The following CATSPER3 variants were observed in gnomAD, a reference collection of about 807,000 sequenced individuals.
The protein encoded by CATSPER3 is cation channel sperm associated 3, also known as cation channel sperm-associated protein 3.
A neutral mutation model predicts 36.6 loss-of-function variants in CATSPER3; 23 were observed. That is an observed-to-expected ratio of 0.63 (90% CI 0.45 to 0.89). CATSPER3 has a LOEUF of 0.89. CATSPER3 is among the 40% of genes least tolerant of loss of function. The pLI is 0.00. For missense variants in CATSPER3, 474 were observed against 503.9 expected, an observed-to-expected ratio of 0.94 and a Z score of 0.57; for synonymous variants, 172 against 184.1, an observed-to-expected ratio of 0.93 and a Z score of 0.53.
At chr5:134,995,152 T>G (rs1164718642) in intron 2 of CATSPER3, among the ~76,000 whole-genome samples, 1 of 152,200 alleles carries the variant, frequency 6.6e-6, no homozygotes, top group Non-Finnish European at 1.5e-5. Context: ...AACATTTGAA[T>G]TATTCTCTTC....
At chr5:135,005,063 A>G (rs1022283789) in intron 3 of CATSPER3, among the ~76,000 whole-genome samples, 1 of 152,100 alleles carries the variant, frequency 6.6e-6, no homozygotes, top group African/African-American at 2.4e-5. Context: ...CCACACAGGG[A>G]GGAGGGAAGC....
chr5:134,978,913 G>A (rs1352059718), intron 2 of CATSPER3, among the ~76,000 whole-genome samples: 1 of 151,658 alleles, frequency 6.6e-6, no homozygotes, highest in Non-Finnish European at 1.5e-5. Context: ...TAGTAGAGAC[G>A]GGGTTTCACC....
rs572149121 is a variant in CATSPER3, at chr5:135,005,018, G to T, written c.493-2939G>T. On this transcript the variant is annotated intron_variant, in intron 3 of 7. Coordinates refer to ENST00000282611, the MANE Select transcript of CATSPER3 (RefSeq NM_178019.3). ...GTGGGAATCATGCGAGGAACAGGGC[G>T]GAGGGCAGGGGGCTGAGGAAAAGGA... Among the ~76,000 whole-genome samples, 18 of 152,228 alleles carry T rather than the reference G, an allele frequency of 1.2e-4. No homozygotes were observed. In the East Asian group the frequency reaches 3.5e-3, roughly 29 times the overall value.
chr5:135,011,594 C>A lies in CATSPER3; in HGVS notation c.1168C>A (p.Gln390Lys). 6.2e-7 allele frequency: 1 copy of A among 1,614,002 alleles called. No individual in the cohort carries two copies. Among genetic ancestry groups the A allele is most frequent in the Non-Finnish European group, 8.5e-7 (1 of 1,179,910 alleles). ...MLEDLPQEKP[Q>K]SLEKVDEK Reference sequence around the variant, plus strand: ...GGAAGACTTGCCCCAGGAGAAGCCCCAGTCCTTGGAAAAGGTGGATGAGAA... The same window carrying A: ...GGAAGACTTGCCCCAGGAGAAGCCCAAGTCCTTGGAAAAGGTGGATGAGAA... The change falls in exon 8 of 8, where the codon CAG becomes AAG. Residue 390 changes from glutamine (Q) to lysine (K), a missense_variant. Transcript: ENST00000282611.
intron 2 of CATSPER3, among the ~76,000 whole-genome samples, chr5:134,972,058 T>C (rs951138721): frequency 9.2e-5 from 14 of 152,110 alleles, no homozygotes; most frequent in African/African-American, 3.4e-4. Context: ...ACACAATTAC[T>C]GTAAGAAAAA....
At chr5:134,992,474 T>C (rs1445934184) in intron 2 of CATSPER3, among the ~76,000 whole-genome samples, 1 of 152,096 alleles carries the variant, frequency 6.6e-6, no homozygotes, top group Admixed American at 6.5e-5. Flanking sequence ...CCTGTAATCC[T>C]AGCACTTTGG....
At chr5:134,975,632 A>G (rs1751664546) in intron 2 of CATSPER3, among the ~76,000 whole-genome samples, 1 of 152,222 alleles carries the variant, frequency 6.6e-6, no homozygotes, top group Non-Finnish European at 1.5e-5. Context: ...GACAACAAAT[A>G]AATGCTGGTG....
chr5:134,981,409 C>T (rs1444990081), intron 2 of CATSPER3, among the ~76,000 whole-genome samples: 1 of 152,078 alleles, frequency 6.6e-6, no homozygotes, highest in Non-Finnish European at 1.5e-5. Context: ...TTGCTTGAAG[C>T]TGGGAGGCAG....
In CATSPER3 at chr5:135,002,928, C is replaced by A. The variant is rs996100808; in HGVS notation, c.493-5029C>A. On this transcript the variant is annotated intron_variant, in intron 3 of 7. Transcript: ENST00000282611. Reference sequence around the variant, plus strand: ...CTCCTTTAGCTTGGAGAAGTTTGATCGTCTGAAGCCTTCTTCTCTCAACTC... The same window carrying A: ...CTCCTTTAGCTTGGAGAAGTTTGATAGTCTGAAGCCTTCTTCTCTCAACTC... Among the ~76,000 whole-genome samples the A allele has an allele frequency of 5.3e-5, 8 of 152,132 alleles. 1 individual carries two copies. The highest frequency in any genetic ancestry group is 1.9e-4 in the African/African-American group (8 of 41,430).
intron 2 of CATSPER3, among the ~76,000 whole-genome samples, chr5:134,979,417 G>A (rs192851001): frequency 1.3e-5 from 2 of 152,184 alleles, no homozygotes; most frequent in South Asian, 4.1e-4. Flanking sequence ...GAGCCACCAT[G>A]CACTAACCCA....
At chr5:134,995,911 C>T (rs1751939095) in intron 2 of CATSPER3, 1 of 341,898 alleles carries the variant, frequency 2.9e-6, no homozygotes, top group Non-Finnish European at 5.7e-6. Context: ...ATCTATATTC[C>T]TAAAAGTTTG....
At chr5:134,970,219 G>GCA in intron 2 of CATSPER3, 127 bp downstream of exon 2, 9 of 893,268 alleles carry the variant, frequency 1.0e-5, no homozygotes, top group Non-Finnish European at 1.6e-5. Flanking sequence ...GCAGTGGCGT[G>GCA]ATCTCAGCTC....
chr5:134,983,162 C>T (rs917397063), intron 2 of CATSPER3, among the ~76,000 whole-genome samples: 2 of 152,032 alleles, frequency 1.3e-5, no homozygotes, highest in African/African-American at 2.4e-5. Context: ...AAATATATGA[C>T]ATATAGAAAA....
In CATSPER3 at chr5:134,970,634, C is replaced by G. The variant is rs550859061; in HGVS notation, c.252+542C>G. 2.1e-5 allele frequency among the ~76,000 whole-genome samples: 3 copies of G among 142,584 alleles called. No homozygotes were observed. In the South Asian group the frequency reaches 6.7e-4, roughly 32 times the overall value. The allele number at this position is 142,584 out of a possible 152,430, so 93.5% of individuals were successfully genotyped here. ...TTGCCCAACCTGCAGTGCAATGGTG[C>G]TATCTTGGCTCACTGCAACCTCTGC... On this transcript the variant is annotated intron_variant, in intron 2 of 7. Transcript: ENST00000282611.
intron 1 of CATSPER3, chr5:134,968,465 C>T (rs762010696): frequency 3.8e-5 from 11 of 291,402 alleles, no homozygotes; most frequent in South Asian, 6.9e-5. Flanking sequence ...GAGGCTGGGG[C>T]GGATCACTTG....
chr5:135,009,472 C>T lies in CATSPER3; in HGVS notation c.918C>T (p.Ser306=). Reference sequence around the variant, plus strand: ...TGCAGCGGCAGCAGGAGGAGATCAGCAGGCTGATGCACATACAGGTGAGTG... The same window carrying T: ...TGCAGCGGCAGCAGGAGGAGATCAGTAGGCTGATGCACATACAGGTGAGTG... The part of the protein sequence containing the change: ...VILQRQQEEI[S]RLMHIQKNAD... Residue 306 remains serine (S), a synonymous_variant, in exon 6 of 8, where the codon AGC becomes AGT. Coordinates refer to ENST00000282611, the MANE Select transcript of CATSPER3 (RefSeq NM_178019.3). 6.7e-7 allele frequency: 1 copy of T among 1,492,430 alleles called. No homozygotes were observed. The highest frequency in any genetic ancestry group is 2.0e-5 in the Admixed American group (1 of 51,180). 92.4% of individuals were successfully genotyped at this position (1,492,430 alleles called of 1,614,324 possible). A position where few individuals can be genotyped will look rare whatever the true frequency, so the allele number is the denominator to read the frequency against.
At chr5:134,984,421 G>A (rs1751784769) in intron 2 of CATSPER3, among the ~76,000 whole-genome samples, 1 of 151,860 alleles carries the variant, frequency 6.6e-6, no homozygotes, top group Non-Finnish European at 1.5e-5. Flanking sequence ...AAAGAAATTA[G>A]AAAGAAAAAC....
chr5:134,988,132 G>A (rs962865410), intron 2 of CATSPER3, among the ~76,000 whole-genome samples: 1 of 152,146 alleles, frequency 6.6e-6, no homozygotes, highest in African/African-American at 2.4e-5. Context: ...TGTTAAGTGT[G>A]CAATAGCATT....
intron 2 of CATSPER3, among the ~76,000 whole-genome samples, chr5:134,995,466 A>G (rs906851553): frequency 6.6e-6 from 1 of 151,912 alleles, no homozygotes; most frequent in African/African-American, 2.4e-5. Context: ...GAGTCCCTTT[A>G]TCTTCTTTGG....
Sources: allele counts gnomAD v4.1 joint callset (sites outside exome capture counted in the v4.1 genomes callset), GRCh38; gene constraint gnomAD v4.1.1; transcripts MANE v1.5; gene names NCBI Gene and HGNC (gene_info 2026-07-23, HGNC 2026-07-21).